The following UBE3C variants were observed in gnomAD, a reference collection of about 807,000 sequenced individuals.
UBE3C encodes the protein ubiquitin-protein ligase E3C.
A neutral mutation model predicts 129.4 loss-of-function variants in UBE3C; 42 were observed. That is an observed-to-expected ratio of 0.32 (90% CI 0.25 to 0.42). UBE3C has a LOEUF of 0.42. UBE3C is among the 10% of genes least tolerant of loss of function. The pLI is 1.00. For missense variants in UBE3C, 1,049 were observed against 1,319.1 expected, an observed-to-expected ratio of 0.80 and a Z score of 3.17; for synonymous variants, 510 against 492.4, an observed-to-expected ratio of 1.04 and a Z score of -0.47.
intron 18 of UBE3C, among the ~76,000 whole-genome samples, chr7:157,241,579 G>A (rs923441010): frequency 6.6e-6 from 1 of 152,250 alleles, no homozygotes; most frequent in Admixed American, 6.5e-5. Context: ...TGAGGATGTG[G>A]AGGAATCAGT....
chr7:157,163,673 C>A, intron 1 of UBE3C, 137 bp from the exon 2 acceptor site: 2 of 806,868 alleles, frequency 2.5e-6, no homozygotes, highest in Non-Finnish European at 2.0e-6. Context: ...CAGATTCTCT[C>A]ATCTGATTAA....
At chr7:157,208,148 C>T (rs760140644) in intron 13 of UBE3C, among the ~76,000 whole-genome samples, 15 of 140,306 alleles carry the variant, frequency 1.1e-4, no homozygotes, top group Middle Eastern at 4.1e-3. Context: ...CATCATACTC[C>T]ACTGCAGCCT....
At position 157,201,333 on chromosome 7, in the gene UBE3C, A is replaced by G. The variant is rs193126880; in HGVS notation, c.1332-388A>G. Among the ~76,000 whole-genome samples the G allele has an allele frequency of 5.9e-5, 9 of 152,242 alleles. No individual in the cohort carries two copies. In the East Asian group the frequency reaches 1.7e-3, roughly 30 times the overall value. ...AGCAAGACCCTGTCTCAAAAAAAATAAAAAGAAAAGTATAAGCAGTAATAA... is the reference window on the plus strand; with the variant it reads ...AGCAAGACCCTGTCTCAAAAAAAATGAAAAGAAAAGTATAAGCAGTAATAA... On this transcript the variant is annotated intron_variant, in intron 10 of 22. Transcript: ENST00000348165.
chr7:157,204,205 T>C (rs1404206822), intron 11 of UBE3C, among the ~76,000 whole-genome samples: 1 of 152,026 alleles, frequency 6.6e-6, no homozygotes, highest in East Asian at 1.9e-4. Flanking sequence ...AAGTTTAAAA[T>C]GAAATAACTG....
Position 157,192,586 on chromosome 7 carries a change from G to T in UBE3C, c.1331+5565G>T, listed in dbSNP as rs904190826. 5 of 765,402 alleles carry T rather than the reference G, an allele frequency of 6.5e-6. No individual in the cohort carries two copies. In the African/African-American group the frequency reaches 6.8e-5, roughly 10 times the overall value. 47.4% of individuals were successfully genotyped at this position (765,402 alleles called of 1,614,324 possible). On this transcript the variant is annotated intron_variant, in intron 10 of 22. Transcript: ENST00000348165. Reference sequence around the variant, plus strand: ...ACTCTTCATCTTGTGTTGAGACTTCGTGGTGGTGCTAAGAAAAGGAAGGAG... The same window carrying T: ...ACTCTTCATCTTGTGTTGAGACTTCTTGGTGGTGCTAAGAAAAGGAAGGAG...
At chr7:157,232,124 A>C (rs906468007) in intron 18 of UBE3C, among the ~76,000 whole-genome samples, 3 of 152,016 alleles carry the variant, frequency 2.0e-5, no homozygotes, top group African/African-American at 7.2e-5. Context: ...CTTCTCCCTG[A>C]GTGTCTCTGT....
chr7:157,169,397 A>G (rs1427675270), intron 3 of UBE3C, among the ~76,000 whole-genome samples: 1 of 150,454 alleles, frequency 6.6e-6, no homozygotes, highest in Non-Finnish European at 1.5e-5. Flanking sequence ...TTAAATTGAG[A>G]CTGAGTCTCA....
chr7:157,260,277 A>T (rs1055450418), intron 22 of UBE3C, among the ~76,000 whole-genome samples: 2 of 152,200 alleles, frequency 1.3e-5, no homozygotes, highest in Non-Finnish European at 2.9e-5. Flanking sequence ...AAACTGACGT[A>T]ATGAAAGAAA....
chr7:157,163,862 A>C lies in UBE3C; in HGVS notation c.119A>C (p.Glu40Ala). The stretch of plus-strand genomic sequence containing the variant: ...ACTCAGGAAGAAAGAAGAAAGAGAG[A>C]GGTAAAAACAGTTTTGTAATACTCT... ...HRTQEERRKR[E>A]EERRRLKNAI... Residue 40 changes from glutamate to alanine, a missense_variant and splice_region_variant, in exon 2 of 23, where the codon GAG (glutamate) becomes GCG (alanine). Transcript: ENST00000348165. 6.2e-7 allele frequency: 1 copy of C among 1,613,360 alleles called. No homozygotes were observed. Among genetic ancestry groups the C allele is most frequent in the East Asian group, 2.2e-5 (1 of 44,788 alleles).
intron 10 of UBE3C, chr7:157,197,529 C>A: frequency 1.4e-5 from 10 of 722,638 alleles, no homozygotes; most frequent in Middle Eastern, 3.1e-4. Flanking sequence ...TTTTTTAATG[C>A]TGGAGGTATT....
intron 16 of UBE3C, among the ~76,000 whole-genome samples, chr7:157,224,541 G>T (rs183366794): frequency 4.3e-4 from 66 of 152,130 alleles, no homozygotes; most frequent in Non-Finnish European, 7.5e-4. Context: ...TTAATTCCTT[G>T]TCTGGTGTCT....
Position 157,170,391 on chromosome 7 carries a change from A to AC in UBE3C, c.286dup (p.Leu96ProfsTer14). 6.4e-7 allele frequency: 1 copy of AC among 1,574,752 alleles called. No individual in the cohort carries two copies. The highest frequency in any genetic ancestry group is 1.2e-5 in the South Asian group (1 of 84,570). On this transcript the variant is annotated frameshift_variant, in exon 4 of 23. Transcript: ENST00000348165. LOFTEE classifies it high-confidence loss of function. Reference sequence around the variant, plus strand: ...TCCCATTGCTAATGGCCCCAACCTTACCCTTTTGGTAAGGCAGCTTCTGTT... The same window carrying AC: ...TCCCATTGCTAATGGCCCCAACCTTACCCCTTTTGGTAAGGCAGCTTCTGTT...
intron 2 of UBE3C, 47 bp from the exon 3 acceptor site, chr7:157,169,001 A>C (rs777472698): frequency 1.3e-6 from 2 of 1,484,370 alleles, no homozygotes; most frequent in African/African-American, 1.4e-5. Context: ...TGTCATTTTC[A>C]CTGGATTCTG....
chr7:157,244,133 G>A (rs1478323594), intron 18 of UBE3C, among the ~76,000 whole-genome samples: 2 of 152,190 alleles, frequency 1.3e-5, no homozygotes, highest in East Asian at 1.9e-4. Context: ...GCGAGGCTGA[G>A]GCAGGAGAAT....
At position 157,231,555 on chromosome 7, in the gene UBE3C, T is replaced by C. The variant is rs888921449; in HGVS notation, c.2481+228T>C. On this transcript the variant is annotated intron_variant, in intron 18 of 22. Coordinates refer to ENST00000348165, the MANE Select transcript of UBE3C (RefSeq NM_014671.3). ...TGAAACTTGATCCCCAGTGTGCCAG[T>C]ATTCAGAGGTGGAATCTTTAAGAGG... 11 of 553,328 alleles carry C rather than the reference T, an allele frequency of 2.0e-5. No individual in the cohort carries two copies. In the Admixed American group the frequency reaches 2.3e-4, roughly 11 times the overall value. 34.3% of individuals were successfully genotyped at this position (553,328 alleles called of 1,614,324 possible).
At chr7:157,189,825 GTC>G (rs10534786) in intron 10 of UBE3C, among the ~76,000 whole-genome samples, 57,940 of 151,852 alleles carry the variant, frequency 0.38, 13,394 homozygotes, top group African/African-American at 0.65. Flanking sequence ...TTGTGACGGA[GTC>G]TCTTGCCTTG....
chr7:157,191,721 T>C (rs1808973220), intron 10 of UBE3C, among the ~76,000 whole-genome samples: 2 of 152,236 alleles, frequency 1.3e-5, no homozygotes, highest in Admixed American at 1.3e-4. Context: ...TTTAATAATT[T>C]GGGATAAAAT....
chr7:157,200,582 C>T (rs1026238446), intron 10 of UBE3C, among the ~76,000 whole-genome samples: 2 of 152,172 alleles, frequency 1.3e-5, no homozygotes, highest in African/African-American at 4.8e-5. Context: ...GCATTCTTCA[C>T]AAAGTTCATC....
At chr7:157,265,778 A>G (rs1423406693) in intron 22 of UBE3C, among the ~76,000 whole-genome samples, 1 of 152,226 alleles carries the variant, frequency 6.6e-6, no homozygotes, top group East Asian at 1.9e-4. Context: ...AAGACGCTGA[A>G]GCGTTGGTTG....
Sources: allele counts gnomAD v4.1 joint callset (sites outside exome capture counted in the v4.1 genomes callset), GRCh38; gene constraint gnomAD v4.1.1; transcripts MANE v1.5; gene names NCBI Gene and HGNC (gene_info 2026-07-23, HGNC 2026-07-21).